Variants in DOCK1 observed in about 807,000 individuals in gnomAD.
DOCK1 encodes dedicator of cytokinesis 1.
In DOCK1, 138 loss-of-function variants were observed where a neutral mutation model predicts 262.7. That is an observed-to-expected ratio of 0.53 (90% CI 0.46 to 0.61). DOCK1 has a LOEUF of 0.61. DOCK1 is among the 20% of genes least tolerant of loss of function. The pLI is 0.00. For synonymous variants in DOCK1, 866 were observed against 867.4 expected (o/e 1.00, Z 0.03); for missense variants, 1,908 against 2,370.7 (o/e 0.80, Z 4.05).
intron 50 of DOCK1, among the ~76,000 whole-genome samples, chr10:127,445,868 A>T (rs1186621776): frequency 6.6e-6 from 1 of 152,268 alleles, no homozygotes; most frequent in East Asian, 1.9e-4. Flanking sequence ...TACAGCACGG[A>T]CGAACCTCAG....
At chr10:127,357,550 G>A (rs1450333670) in intron 32 of DOCK1, among the ~76,000 whole-genome samples, 1 of 152,226 alleles carries the variant, frequency 6.6e-6, no homozygotes, top group African/African-American at 2.4e-5. Context: ...AAAGGTTGCA[G>A]TGAAGTGAGC....
intron 1 of DOCK1, among the ~76,000 whole-genome samples, chr10:126,907,243 C>G (rs1488937322): frequency 6.6e-6 from 1 of 152,146 alleles, no homozygotes; most frequent in Non-Finnish European, 1.5e-5. Flanking sequence ...CCCAGGGAAC[C>G]TAGCACCAGC....
chr10:127,246,517 A>T lies in DOCK1; in HGVS notation c.2848-1491A>T, dbSNP rs115263535. ...AAAAGTTCACAAATTTTGCCATTTT[A>T]CTAATCATTGCCTCAATGGAAAACA... On this transcript the variant is annotated intron_variant, in intron 27 of 51. Coordinates refer to ENST00000623213, the MANE Select transcript of DOCK1 (RefSeq NM_001290223.2). Among the ~76,000 whole-genome samples the T allele has an allele frequency of 1.0e-2, 1,523 of 152,330 alleles. 20 individuals are homozygous for T. Among genetic ancestry groups the T allele is most frequent in the African/African-American group, 0.035 (1,456 of 41,570 alleles).
chr10:127,118,058 G>C lies in DOCK1; in HGVS notation c.2624-7416G>C, dbSNP rs76785842. On this transcript the variant is annotated intron_variant, in intron 25 of 51. Coordinates refer to ENST00000623213, the MANE Select transcript of DOCK1 (RefSeq NM_001290223.2). ...GTCAGAGCAACCAGGAGGGGAGTTT[G>C]TGCAGGACCACATGGGCCAAGACCT... Among the ~76,000 whole-genome samples the C allele has an allele frequency of 7.6e-3, 1,161 of 152,264 alleles. 13 individuals are homozygous for C. The highest frequency in any genetic ancestry group is 0.027 in the African/African-American group (1,118 of 41,544).
chr10:126,940,924 C>T (rs945538689), intron 1 of DOCK1, among the ~76,000 whole-genome samples: 4 of 152,296 alleles, frequency 2.6e-5, no homozygotes, highest in Admixed American at 6.5e-5. Flanking sequence ...TGCCCTGTAA[C>T]CTCACCAAGA....
intron 25 of DOCK1, among the ~76,000 whole-genome samples, chr10:127,113,846 A>G (rs977624744): frequency 1.3e-5 from 2 of 152,108 alleles, no homozygotes; most frequent in Admixed American, 6.5e-5. Context: ...GCCCTCAAGG[A>G]TTAGATGATG....
intron 27 of DOCK1, among the ~76,000 whole-genome samples, chr10:127,154,398 A>G (rs2052826896): frequency 6.6e-6 from 1 of 152,224 alleles, no homozygotes; most frequent in Non-Finnish European, 1.5e-5. Context: ...TGGATTTTAC[A>G]TTTTTAAGCA....
chr10:127,385,256 A>T lies in DOCK1; in HGVS notation c.3927+347A>T, dbSNP rs1389043715. On this transcript the variant is annotated intron_variant, in intron 38 of 51. Coordinates refer to ENST00000623213, the MANE Select transcript of DOCK1 (RefSeq NM_001290223.2). ...ATTTTTCTGTTGGCACGGAAGAATTAATCCCATGGTAGGATGGATATTGCT... is the reference window on the plus strand; with the variant it reads ...ATTTTTCTGTTGGCACGGAAGAATTTATCCCATGGTAGGATGGATATTGCT... Among the ~76,000 whole-genome samples the T allele has an allele frequency of 3.9e-5, 6 of 152,148 alleles. No individual in the cohort carries two copies. The East Asian group carries it at 1.2e-3, about 29-fold the overall frequency.
intron 27 of DOCK1, among the ~76,000 whole-genome samples, chr10:127,165,123 G>A (rs1315895973): frequency 6.6e-6 from 1 of 152,172 alleles, no homozygotes; most frequent in Non-Finnish European, 1.5e-5. Context: ...TTCAGCTCTT[G>A]TACTGTCACA....
At chr10:127,374,004 G>T (rs1361663797) in intron 34 of DOCK1, 54 bp from the exon 35 acceptor site, 1 of 1,559,774 alleles carries the variant, frequency 6.4e-7, no homozygotes, top group African/African-American at 1.4e-5. Flanking sequence ...TTGCACCTCT[G>T]TTGAGTTTCT....
At chr10:127,330,257 A>G (rs1204274168) in intron 29 of DOCK1, among the ~76,000 whole-genome samples, 2 of 152,200 alleles carry the variant, frequency 1.3e-5, no homozygotes, top group African/African-American at 4.8e-5. Flanking sequence ...GGCCTTGGCA[A>G]AATTTTCTTT....
chr10:126,998,788 T>A (rs1004815698), intron 8 of DOCK1: 8 of 157,812 alleles, frequency 5.1e-5, no homozygotes, highest in African/African-American at 1.9e-4. Context: ...AGTATAACTT[T>A]CTCTTTGCCC....
chr10:127,190,332 CGGTGT>C (rs2056629067), intron 27 of DOCK1, among the ~76,000 whole-genome samples: 1 of 152,152 alleles, frequency 6.6e-6, no homozygotes, highest in Non-Finnish European at 1.5e-5. Context: ...TGCCTTCTCA[CGGTGT>C]TTCCTTTAAT....
chr10:127,259,035 T>G (rs573317332), intron 29 of DOCK1, among the ~76,000 whole-genome samples: 1 of 152,070 alleles, frequency 6.6e-6, no homozygotes, highest in African/African-American at 2.4e-5. Flanking sequence ...CCCCGAGGGG[T>G]AAGCATGAGG....
chr10:127,343,738 C>G lies in DOCK1; in HGVS notation c.3216C>G (p.Ile1072Met). The G allele has an allele frequency of 6.2e-7, 1 of 1,605,690 alleles. No homozygotes were observed. Among genetic ancestry groups the G allele is most frequent in the Non-Finnish European group, 8.5e-7 (1 of 1,175,944 alleles). The change falls in exon 31 of 52, where the codon ATC becomes ATG. Residue 1072 changes from isoleucine (I) to methionine (M), a missense_variant. This residue lies in a region of DOCK1 where 518 missense variants were observed against 575.1 expected (regional missense o/e 0.90). Coordinates refer to ENST00000623213, the MANE Select transcript of DOCK1 (RefSeq NM_001290223.2). ...TTTCAAGTGCCAAGAGAGCCAAAATCCTTAACAAGTAAGTTCTCATCTAGC... is the reference window on the plus strand; with the variant it reads ...TTTCAAGTGCCAAGAGAGCCAAAATGCTTAACAAGTAAGTTCTCATCTAGC... ...ENFSSAKRAK[I>M]LNKYGDMRRQ... is the part of the protein sequence containing the mutation.
chr10:126,948,530 C>G (rs1250604464), intron 1 of DOCK1, among the ~76,000 whole-genome samples: 1 of 151,792 alleles, frequency 6.6e-6, no homozygotes, highest in African/African-American at 2.4e-5. Flanking sequence ...TTGAGGGCAT[C>G]TGGATGAACC....
At chr10:127,321,892 CA>C (rs1367169793) in intron 29 of DOCK1, among the ~76,000 whole-genome samples, 1 of 152,046 alleles carries the variant, frequency 6.6e-6, no homozygotes, top group Admixed American at 6.5e-5. Context: ...CACCTGAGGT[CA>C]GGGGTACAAG....
At chr10:127,002,529 T>C (rs1554970027) in intron 10 of DOCK1, among the ~76,000 whole-genome samples, 1 of 152,206 alleles carries the variant, frequency 6.6e-6, no homozygotes, top group Non-Finnish European at 1.5e-5. Context: ...GGCCTTCCAC[T>C]GTTTCTTACA....
chr10:127,043,657 C>T (rs1219915800), intron 21 of DOCK1, among the ~76,000 whole-genome samples: 1 of 152,236 alleles, frequency 6.6e-6, no homozygotes, highest in Admixed American at 6.5e-5. Flanking sequence ...CTTCTATCCA[C>T]CCCTCTGCCC....
Sources: allele counts gnomAD v4.1 joint callset (sites outside exome capture counted in the v4.1 genomes callset), GRCh38; gene constraint gnomAD v4.1.1; regional missense constraint gnomAD v4.1.1; transcripts MANE v1.5; gene names NCBI Gene and HGNC (gene_info 2026-07-23, HGNC 2026-07-21).